Variants in DGKB observed in about 807,000 individuals in gnomAD.
DGKB encodes the protein diacylglycerol kinase beta.
Under a neutral mutation model 114.3 loss-of-function variants are expected in DGKB, and 67 were observed. The observed-to-expected ratio is 0.59, with a 90% CI of 0.48 to 0.72. DGKB has a LOEUF of 0.72. Ranked by LOEUF, DGKB falls within the 30% of genes least tolerant of loss-of-function variation. DGKB has a pLI of 0.00. For missense variants in DGKB, 907 were observed against 975.2 expected, an observed-to-expected ratio of 0.93 and a Z score of 0.93; for synonymous variants, 398 against 323.1, an observed-to-expected ratio of 1.23 and a Z score of -2.49.
At chr7:14,162,290 G>A (rs530204643) in intron 25 of DGKB, among the ~76,000 whole-genome samples, 4 of 152,258 alleles carry the variant, frequency 2.6e-5, no homozygotes, top group Non-Finnish European at 4.4e-5. Flanking sequence ...TTATTCTGAT[G>A]ATAACCATCA....
intron 21 of DGKB, among the ~76,000 whole-genome samples, chr7:14,380,606 GTTATTC>G (rs1388336476): frequency 6.6e-6 from 1 of 152,084 alleles, no homozygotes; most frequent in Non-Finnish European, 1.5e-5. Flanking sequence ...ACAACATAGT[GTTATTC>G]TTATTAACTT....
intron 23 of DGKB, among the ~76,000 whole-genome samples, chr7:14,276,462 C>T (rs1342656012): frequency 1.3e-5 from 2 of 152,000 alleles, no homozygotes; most frequent in Non-Finnish European, 2.9e-5. Flanking sequence ...TTTTTAAAAA[C>T]ATTTCCGACA....
chr7:14,729,123 C>CTTTT (rs1162368398), intron 5 of DGKB, among the ~76,000 whole-genome samples: 189 of 113,238 alleles, frequency 1.7e-3, no homozygotes, highest in Non-Finnish European at 2.1e-3. Flanking sequence ...CATTTTCTTT[C>CTTTT]TTTTTTTTTT....
At chr7:14,749,975 G>A (rs896975049) in intron 4 of DGKB, among the ~76,000 whole-genome samples, 1 of 152,150 alleles carries the variant, frequency 6.6e-6, no homozygotes, top group African/African-American at 2.4e-5. Flanking sequence ...ATCACTAAGT[G>A]TATGACACAG....
chr7:14,301,237 C>T (rs1803489439), intron 23 of DGKB, among the ~76,000 whole-genome samples: 1 of 151,924 alleles, frequency 6.6e-6, no homozygotes, highest in Admixed American at 6.6e-5. Flanking sequence ...TAAACAATAA[C>T]ACCAAAGAAG....
At chr7:14,755,857 T>C (rs528711475) in intron 3 of DGKB, among the ~76,000 whole-genome samples, 3 of 152,196 alleles carry the variant, frequency 2.0e-5, no homozygotes, top group Admixed American at 6.5e-5. Context: ...TAATTTAGAA[T>C]TGTTCTTGGG....
rs1412121021 is a variant in DGKB, at chr7:14,271,976, A to G, written c.2122+66539T>C. On this transcript the variant is annotated intron_variant, in intron 23 of 25. Coordinates refer to ENST00000402815, the MANE Select transcript of DGKB (RefSeq NM_001350709.2). Reference sequence around the variant, plus strand: ...TTGGGTATTGAAAGATCATTCACACAATAATTGTACCATGTTAGCACTATA... The same window carrying G: ...TTGGGTATTGAAAGATCATTCACACGATAATTGTACCATGTTAGCACTATA... Among the ~76,000 whole-genome samples, 3 of 152,190 alleles carry G rather than the reference A, an allele frequency of 2.0e-5. No individual in the cohort carries two copies. The East Asian group carries it at 5.8e-4, about 29-fold the overall frequency.
intron 13 of DGKB, among the ~76,000 whole-genome samples, chr7:14,647,671 C>A (rs62445649): frequency 6.6e-6 from 1 of 152,150 alleles, no homozygotes; most frequent in Non-Finnish European, 1.5e-5. Flanking sequence ...CAGCTCGGGT[C>A]TACAGCTCCC....
chr7:14,921,431 T>G (rs1354936300), intron 1 of DGKB, among the ~76,000 whole-genome samples: 1 of 152,206 alleles, frequency 6.6e-6, no homozygotes. Flanking sequence ...TAAAAGGTGA[T>G]GTCTATACCA....
At chr7:14,918,334 A>G (rs191416680) in intron 1 of DGKB, among the ~76,000 whole-genome samples, 1 of 152,312 alleles carries the variant, frequency 6.6e-6, no homozygotes, top group Non-Finnish European at 1.5e-5. Context: ...TTTGTGTAAA[A>G]GTACAAAAAA....
At position 14,243,693 on chromosome 7, in the gene DGKB, C is replaced by A. The variant is rs149772168; in HGVS notation, c.2123-65542G>T. 4.4e-3 allele frequency among the ~76,000 whole-genome samples: 665 copies of A among 152,252 alleles called. 3 individuals carry two copies. Among genetic ancestry groups the A allele is most frequent in the Middle Eastern group, 6.8e-3 (2 of 294 alleles). ...CACTGCATCCAATAAATAAAAATCT[C>A]TCCTCTTAATATTACCTCTATTCTC... On this transcript the variant is annotated intron_variant, in intron 23 of 25. Coordinates refer to ENST00000402815, the MANE Select transcript of DGKB (RefSeq NM_001350709.2).
At chr7:14,673,111 G>T in intron 12 of DGKB, 84 bp from the exon 13 acceptor site, 1 of 727,358 alleles carries the variant, frequency 1.4e-6, no homozygotes, top group Non-Finnish European at 2.4e-6. Context: ...TCGAGATACA[G>T]CAAACACATT....
chr7:14,588,986 AAC>A (rs1801231957), intron 17 of DGKB, among the ~76,000 whole-genome samples: 2 of 152,112 alleles, frequency 1.3e-5, no homozygotes. Context: ...TGGGAGAAAT[AAC>A]ACACGTATAA....
At chr7:14,679,686 G>T (rs1317591492) in intron 12 of DGKB, among the ~76,000 whole-genome samples, 1 of 151,938 alleles carries the variant, frequency 6.6e-6, no homozygotes. Flanking sequence ...TATGTCCATA[G>T]TACTTTCTGG....
chr7:14,543,883 T>C (rs1793876970), intron 20 of DGKB, among the ~76,000 whole-genome samples: 1 of 152,168 alleles, frequency 6.6e-6, no homozygotes, highest in South Asian at 2.1e-4. Context: ...AATGATAATA[T>C]AATATAACAA....
intron 24 of DGKB, among the ~76,000 whole-genome samples, chr7:14,177,530 G>A (rs1238676206): frequency 8.0e-6 from 1 of 125,300 alleles, no homozygotes; most frequent in African/African-American, 3.1e-5. Flanking sequence ...CTCCAGCCTG[G>A]GCAACAAGAG....
At chr7:14,648,072 G>T (rs1813503299) in intron 13 of DGKB, among the ~76,000 whole-genome samples, 1 of 152,226 alleles carries the variant, frequency 6.6e-6, no homozygotes, top group Admixed American at 6.5e-5. Flanking sequence ...TGGGGGAGGG[G>T]CGCCCACCAT....
chr7:14,207,428 G>C (rs1787013723), intron 23 of DGKB, among the ~76,000 whole-genome samples: 1 of 151,966 alleles, frequency 6.6e-6, no homozygotes, highest in South Asian at 2.1e-4. Flanking sequence ...TGTTCTCTGA[G>C]GGCATGGAGT....
intron 1 of DGKB, among the ~76,000 whole-genome samples, chr7:14,920,751 T>C (rs1037816994): frequency 6.6e-6 from 1 of 152,080 alleles, no homozygotes; most frequent in South Asian, 2.1e-4. Context: ...AACCAAGATG[T>C]TTTTCAACAG....
Sources: allele counts gnomAD v4.1 joint callset (sites outside exome capture counted in the v4.1 genomes callset), GRCh38; gene constraint gnomAD v4.1.1; transcripts MANE v1.5; gene names NCBI Gene and HGNC (gene_info 2026-07-23, HGNC 2026-07-21).